Variants in NPAS3 observed in about 807,000 individuals in gnomAD.
NPAS3 encodes neuronal PAS domain-containing protein 3.
In NPAS3, 14 loss-of-function variants were observed where a neutral mutation model predicts 73.1. The ratio of observed to expected loss-of-function variants is 0.19; its 90% CI spans 0.13 to 0.30. NPAS3 has a LOEUF of 0.30. NPAS3 is among the 10% of genes least tolerant of loss of function. The pLI is 1.00. For synonymous variants in NPAS3, 620 were observed against 541.5 expected (o/e 1.14, Z -2.01); for missense variants, 1,096 against 1,250.0 (o/e 0.88, Z 1.86).
At chr14:33,106,608 T>G (rs2042728786) in intron 2 of NPAS3, among the ~76,000 whole-genome samples, 1 of 152,190 alleles carries the variant, frequency 6.6e-6, no homozygotes, top group African/African-American at 2.4e-5. Context: ...ACTGGAGCCC[T>G]GCTCTTAAAT....
chr14:33,676,433 C>G (rs1460826283), intron 6 of NPAS3, 48 bp downstream of exon 6: 5 of 1,479,260 alleles, frequency 3.4e-6, no homozygotes, highest in Non-Finnish European at 4.5e-6. Context: ...GGACCTTTGC[C>G]AAATGAGTGT....
intron 4 of NPAS3, among the ~76,000 whole-genome samples, chr14:33,394,228 A>G (rs541301844): frequency 1.3e-5 from 2 of 152,290 alleles, no homozygotes; most frequent in African/African-American, 2.4e-5. Context: ...ATTGCTGTCA[A>G]TCAAAACCCA....
intron 5 of NPAS3, among the ~76,000 whole-genome samples, chr14:33,647,318 T>G (rs1282114653): frequency 1.3e-5 from 2 of 151,848 alleles, no homozygotes; most frequent in South Asian, 2.1e-4. Context: ...AGCCACATGA[T>G]GAAGAAACAC....
intron 7 of NPAS3, among the ~76,000 whole-genome samples, chr14:33,746,762 A>G (rs2061812989): frequency 6.6e-6 from 1 of 151,996 alleles, no homozygotes; most frequent in South Asian, 2.1e-4. Context: ...TTATTATTAT[A>G]CTTTAAGTTT....
Position 33,251,605 on chromosome 14 carries a change from C to A in NPAS3, c.385+36179C>A, listed in dbSNP as rs187451406. 3.9e-4 allele frequency among the ~76,000 whole-genome samples: 60 copies of A among 152,074 alleles called. 1 individual carries two copies. The highest frequency in any genetic ancestry group is 1.3e-3 in the African/African-American group (52 of 41,506). On this transcript the variant is annotated intron_variant, in intron 3 of 11. Coordinates refer to ENST00000356141, the Ensembl canonical transcript of NPAS3. ...TACTTATCTATATTTAATATTTTTT[C>A]TTCTACTGGAAGTGAGGATAGCATA...
intron 3 of NPAS3, among the ~76,000 whole-genome samples, chr14:33,259,282 C>T (rs956705393): frequency 2.6e-5 from 4 of 152,038 alleles, no homozygotes; most frequent in East Asian, 1.9e-4. Context: ...TATCTCCTTC[C>T]GTCCATTTTA....
intron 3 of NPAS3, among the ~76,000 whole-genome samples, chr14:33,346,881 A>G (rs1004455943): frequency 2.6e-5 from 4 of 152,112 alleles, no homozygotes; most frequent in African/African-American, 9.7e-5. Context: ...GAATAGGTCA[A>G]TATTGTCCCA....
chr14:33,509,435 T>C (rs1007422939), intron 4 of NPAS3, among the ~76,000 whole-genome samples: 8 of 152,180 alleles, frequency 5.3e-5, no homozygotes, highest in Non-Finnish European at 1.2e-4. Flanking sequence ...CAGTAGCTAC[T>C]TGAAAGCAGA....
intron 3 of NPAS3, among the ~76,000 whole-genome samples, chr14:33,232,988 C>A (rs186585652): frequency 6.6e-6 from 1 of 152,254 alleles, no homozygotes; most frequent in East Asian, 1.9e-4. Context: ...GTATAACAAA[C>A]CTTACATCCA....
chr14:33,561,688 C>T (rs2055658745), intron 5 of NPAS3, among the ~76,000 whole-genome samples: 2 of 152,210 alleles, frequency 1.3e-5, no homozygotes, highest in Non-Finnish European at 2.9e-5. Flanking sequence ...CCATACAGAA[C>T]TGGAAACACC....
chr14:33,367,992 C>T (rs2045919812), intron 4 of NPAS3, among the ~76,000 whole-genome samples: 1 of 152,096 alleles, frequency 6.6e-6, no homozygotes, highest in African/African-American at 2.4e-5. Flanking sequence ...AATTGTGCCA[C>T]ACTGGTCCTG....
chr14:33,267,338 T>C (rs573453967), intron 3 of NPAS3, among the ~76,000 whole-genome samples: 6 of 152,288 alleles, frequency 3.9e-5, no homozygotes, highest in East Asian at 3.9e-4. Context: ...TATATACAGA[T>C]AGAAGATTTT....
rs1159685619 is a variant in NPAS3, at chr14:33,640,003, A to C, written c.559-36208A>C. ...GAGGCCGAAGTGGGTGGATCACCTG[A>C]GGCCAGGAGTTTGAGATCAGCCTGG... On this transcript the variant is annotated intron_variant, in intron 5 of 11. Transcript: ENST00000356141. Among the ~76,000 whole-genome samples the C allele has an allele frequency of 2.0e-5, 3 of 152,234 alleles. No homozygotes were observed. In the East Asian group the frequency reaches 5.8e-4, roughly 29 times the overall value.
At chr14:33,045,918 C>T (rs2040491729) in intron 1 of NPAS3, among the ~76,000 whole-genome samples, 1 of 152,122 alleles carries the variant, frequency 6.6e-6, no homozygotes, top group Admixed American at 6.5e-5. Context: ...AGGATCTGGA[C>T]CATATGGAGA....
chr14:33,261,692 G>A (rs1280795827), intron 3 of NPAS3, among the ~76,000 whole-genome samples: 1 of 152,074 alleles, frequency 6.6e-6, no homozygotes, highest in Non-Finnish European at 1.5e-5. Context: ...TACAAAGTTT[G>A]ACATAACAAT....
At chr14:33,708,224 G>A (rs1382263993) in intron 6 of NPAS3, among the ~76,000 whole-genome samples, 1 of 152,168 alleles carries the variant, frequency 6.6e-6, no homozygotes, top group Non-Finnish European at 1.5e-5. Flanking sequence ...GAGCAAGGCG[G>A]TGTCCTCGGA....
chr14:33,712,717 C>A (rs952066623), intron 6 of NPAS3, among the ~76,000 whole-genome samples: 2 of 152,130 alleles, frequency 1.3e-5, no homozygotes, highest in South Asian at 2.1e-4. Context: ...TAATGGGCTA[C>A]ACCAGGCTGC....
chr14:33,454,687 G>A (rs2049947141), intron 4 of NPAS3, among the ~76,000 whole-genome samples: 1 of 152,152 alleles, frequency 6.6e-6, no homozygotes, highest in Non-Finnish European at 1.5e-5. Context: ...TTCTAATCTA[G>A]TTTCACCACA....
intron 5 of NPAS3, among the ~76,000 whole-genome samples, chr14:33,675,520 C>A (rs1294630680): frequency 1.2e-4 from 19 of 152,038 alleles, no homozygotes; most frequent in Admixed American, 1.2e-3. Context: ...GAGATTTGTA[C>A]TATGTATCCT....
Sources: gnomAD v4.1 joint callset for allele counts (sites outside exome capture counted in the v4.1 genomes callset) on GRCh38, gnomAD v4.1.1 for gene constraint, MANE v1.5 for transcripts, NCBI Gene and HGNC (gene_info 2026-07-23, HGNC 2026-07-21) for gene names.